The following BTD variants were observed in gnomAD, a reference collection of about 807,000 sequenced individuals.
The protein encoded by BTD is biotinidase.
Under a neutral mutation model 17.7 loss-of-function variants are expected in BTD, and 13 were observed. That is an observed-to-expected ratio of 0.74 (90% confidence interval 0.48 to 1.17). The LOEUF (loss-of-function observed/expected upper bound fraction) is 1.17, where lower values mean the gene tolerates loss of function less well. BTD is among the 50% of genes most tolerant of loss of function. The pLI, the probability that BTD is intolerant of heterozygous loss-of-function variation, is 0.00. For synonymous variants in BTD, 240 were observed against 245.2 expected (o/e 0.98, Z 0.20); for missense variants, 674 against 650.4 (o/e 1.04, Z -0.39).
intron 3 of BTD, among the ~76,000 whole-genome samples, chr3:15,697,996 C>T (rs1432404746): frequency 6.6e-6 from 1 of 151,952 alleles, no homozygotes; most frequent in South Asian, 2.1e-4. Flanking sequence ...TCCCTTTCTT[C>T]TAGATTTTCT....
At chr3:15,679,763 G>C (rs1257284039) in intron 3 of BTD, among the ~76,000 whole-genome samples, 1 of 151,936 alleles carries the variant, frequency 6.6e-6, no homozygotes, top group Non-Finnish European at 1.5e-5. Flanking sequence ...ACAACTGCAC[G>C]CACAAAATAC....
chr3:15,679,135 C>CTT (rs71809219), intron 3 of BTD, among the ~76,000 whole-genome samples: 5 of 144,024 alleles, frequency 3.5e-5, no homozygotes, highest in African/African-American at 1.0e-4. Flanking sequence ...TCATCATGCA[C>CTT]TTTTTTTTTT....
downstream of BTD, chr3:15,714,546 A>AAC (rs774734166): frequency 1.3e-5 from 20 of 1,504,804 alleles, no homozygotes; most frequent in East Asian, 9.3e-5. Context: ...AAAAAAAAAA[A>AAC]ACCCCAAAAA....
In BTD at chr3:15,675,846, A is replaced by G. The variant is rs1216468121; in HGVS notation, c.399+33789A>G. 7.8e-6 allele frequency: 11 copies of G among 1,406,480 alleles called. No homozygotes were observed. In the East Asian group the frequency reaches 2.6e-4, roughly 34 times the overall value. The allele number at this position is 1,406,480 out of a possible 1,614,324, so 87.1% of individuals were successfully genotyped here. On this transcript the variant is annotated intron_variant, in intron 3 of 3. Transcript: ENST00000672141. ...CAAGTTTATTTCTCTTCAAATATGG[A>G]TCAAAAGATAAAAGCTCTAGGTTAA...
chr3:15,715,049 T>A (rs1055300369), downstream of BTD, among the ~76,000 whole-genome samples: 8 of 148,522 alleles, frequency 5.4e-5, no homozygotes, highest in Non-Finnish European at 1.1e-4. Context: ...TTTAAAAAAA[T>A]AAATACAAAT....
rs764186168 is a variant in BTD at position 15,677,566 on chromosome 3, G to A, written c.400-32494G>A. On this transcript the variant is annotated intron_variant, in intron 3 of 3. Coordinates refer to the BTD transcript ENST00000672141. ...CTAGCACTGCTAACCAGCATCTCTG[G>A]GAGGAAAAAGTGCATCAATTCTTAT... 11 of 1,603,782 alleles carry A rather than the reference G, an allele frequency of 6.9e-6. No homozygotes were observed. The East Asian group carries it at 2.5e-4, about 36-fold the overall frequency.
Position 15,651,732 on chromosome 3 carries a change from G to A in BTD, c.*6244G>A, listed in dbSNP as rs1049818007. Among the ~76,000 whole-genome samples the A allele has an allele frequency of 1.3e-5, 2 of 152,208 alleles. No individual in the cohort carries two copies. Among genetic ancestry groups the A allele is most frequent in the Non-Finnish European group, 2.9e-5 (2 of 68,034 alleles). ...CTATCTAGAAGTCAGTGTTGGGGAG[G>A]TCACAGAACAGAATGGAGAGGGGTA... On this transcript the variant is annotated 3_prime_UTR_variant, in exon 4 of 4. Transcript: ENST00000643237.
intron 1 of BTD, among the ~76,000 whole-genome samples, chr3:15,630,733 A>G (rs751605291): frequency 2.1e-4 from 32 of 152,202 alleles, no homozygotes; most frequent in Admixed American, 1.3e-4. Flanking sequence ...CTCAGAGGAC[A>G]TATTAGCTTG....
intron 2 of BTD, among the ~76,000 whole-genome samples, chr3:15,641,151 T>C (rs1209497750): frequency 2.6e-5 from 4 of 152,184 alleles, no homozygotes; most frequent in Admixed American, 2.6e-4. Flanking sequence ...TTCCGGGCCA[T>C]CACAGCCAGG....
exon 4 of BTD, chr3:15,712,161 A>G (rs1481023673): frequency 1.3e-6 from 2 of 1,581,354 alleles, no homozygotes; most frequent in Non-Finnish European, 1.7e-6. Context: ...AGTTTTCTGC[A>G]GCAATCTGAA....
intron 1 of BTD, among the ~76,000 whole-genome samples, chr3:15,609,237 A>G (rs1239192135): frequency 6.6e-6 from 1 of 152,184 alleles, no homozygotes; most frequent in Non-Finnish European, 1.5e-5. Flanking sequence ...ATATACACCC[A>G]TGTACCCAGC....
chr3:15,662,604 T>C (rs1040093799), intron 3 of BTD, among the ~76,000 whole-genome samples: 1 of 152,226 alleles, frequency 6.6e-6, no homozygotes, highest in East Asian at 1.9e-4. Flanking sequence ...TCTTGTCTTA[T>C]ATTGCATTAG....
rs1434141675 is a variant in BTD at position 15,635,969 on chromosome 3, G to A, written c.249+281G>A. 1.3e-5 allele frequency among the ~76,000 whole-genome samples: 2 copies of A among 152,200 alleles called. No homozygotes were observed. The highest frequency in any genetic ancestry group is 4.8e-5 in the African/African-American group (2 of 41,446). ...CATTGCAGCAGGATCCCCAGGTGATGCTTTCACATGGCAAGTATGAGAAGC... is the reference window on the plus strand; with the variant it reads ...CATTGCAGCAGGATCCCCAGGTGATACTTTCACATGGCAAGTATGAGAAGC... On this transcript the variant is annotated intron_variant, in intron 2 of 3. Transcript: ENST00000643237. The surrounding 1 kb of genome is among the most constrained non-coding windows in gnomAD (Gnocchi z 4.1).
Position 15,644,728 on chromosome 3 carries a change from C to A in BTD, c.812C>A (p.Ala271Asp), listed in dbSNP as rs2065644354. ...GAGATTCAGAAAGCTTTTGCTGTTG[C>A]CTTTGGCATCAACGTTCTGGCAGCT... Reference protein sequence around the residue: ...AIEIQKAFAVAFGINVLAANV... With the variant: ...AIEIQKAFAVDFGINVLAANV... Residue 271 changes from alanine (A) to aspartate (D), a missense_variant, in exon 4 of 4, where the codon GCC becomes GAC. Physicochemically the swap from Ala to Asp is moderately radical, Grantham distance 126 (BLOSUM62 -2). Transcript: ENST00000643237. 1.2e-6 allele frequency: 2 copies of A among 1,614,190 alleles called. No homozygotes were observed. The highest frequency in any genetic ancestry group is 1.1e-5 in the South Asian group (1 of 91,084).
downstream of BTD, among the ~76,000 whole-genome samples, chr3:15,654,624 C>T (rs1559287607): frequency 6.6e-6 from 1 of 152,084 alleles, no homozygotes; most frequent in Admixed American, 6.5e-5. Context: ...GATGAAGTCT[C>T]ACTCTGTGGC....
At position 15,641,350 on chromosome 3, in the gene BTD, C is replaced by T. The variant is rs77522574; in HGVS notation, c.250-558C>T. Among the ~76,000 whole-genome samples, 680 of 152,286 alleles carry T rather than the reference C, an allele frequency of 4.5e-3. 7 individuals are homozygous for T. The highest frequency in any genetic ancestry group is 0.015 in the South Asian group (73 of 4,822). On this transcript the variant is annotated intron_variant, in intron 2 of 3. Transcript: ENST00000643237. ...ACCTTGGCTACAAATGAGAATCACC[C>T]GGGGGACCTTTAAACAAACACTGTT...
chr3:15,647,966 G>A lies in BTD; in HGVS notation c.*2478G>A, dbSNP rs2065732686. ...CCACCATGTCTGCTCTCAAGACACAGGCCTGTCCAGAGCCCCTGCTGAGGG... is the reference window on the plus strand; with the variant it reads ...CCACCATGTCTGCTCTCAAGACACAAGCCTGTCCAGAGCCCCTGCTGAGGG... On this transcript the variant is annotated 3_prime_UTR_variant, in exon 4 of 4. Transcript: ENST00000643237. Among the ~76,000 whole-genome samples, 1 of 152,188 alleles carries A rather than the reference G, an allele frequency of 6.6e-6. No individual in the cohort carries two copies.
intron 1 of BTD, among the ~76,000 whole-genome samples, chr3:15,616,972 A>G (rs558391986): frequency 6.6e-6 from 1 of 152,220 alleles, no homozygotes; most frequent in Non-Finnish European, 1.5e-5. Context: ...AGCTGGGACT[A>G]CAGGCACGAG....
At chr3:15,714,502 T>A, downstream of BTD, 1 of 1,042,886 alleles carries the variant, frequency 9.6e-7, no homozygotes. Context: ...TCAATACCAT[T>A]CATTTGGTGG....
Sources: allele counts gnomAD v4.1 joint callset (sites outside exome capture counted in the v4.1 genomes callset), GRCh38; gene constraint gnomAD v4.1.1; non-coding constraint Gnocchi (gnomAD v3.1); transcripts MANE v1.5; gene names NCBI Gene and HGNC (gene_info 2026-07-23, HGNC 2026-07-21).